Variants in TAX1BP1 observed in about 807,000 individuals in gnomAD.
TAX1BP1 encodes tax1-binding protein 1.
TAX1BP1 carries 62 observed loss-of-function variants against 97.7 expected under a neutral mutation model. The observed-to-expected ratio is 0.63, with a 90% CI of 0.52 to 0.78. TAX1BP1 has a LOEUF of 0.78. TAX1BP1 is among the 30% of genes least tolerant of loss of function. The pLI is 0.00. For synonymous variants in TAX1BP1, 340 were observed against 304.2 expected (o/e 1.12, Z -1.23); for missense variants, 867 against 916.1 (o/e 0.95, Z 0.69).
chr7:27,743,626 A>G (rs1787701485), intron 1 of TAX1BP1, among the ~76,000 whole-genome samples: 1 of 152,232 alleles, frequency 6.6e-6, no homozygotes, highest in Non-Finnish European at 1.5e-5. Flanking sequence ...AACATACACA[A>G]AGGAGAATGA....
chr7:27,766,122 C>T (rs986648701), intron 4 of TAX1BP1, 101 bp downstream of exon 4: 4 of 1,253,778 alleles, frequency 3.2e-6, no homozygotes, highest in Non-Finnish European at 2.2e-6. Flanking sequence ...AGAGTTGCCA[C>T]AAAAATCGAA....
At chr7:27,750,757 GC>G (rs1787989627) in intron 2 of TAX1BP1, among the ~76,000 whole-genome samples, 1 of 152,026 alleles carries the variant, frequency 6.6e-6, no homozygotes, top group Non-Finnish European at 1.5e-5. Flanking sequence ...TTTTTTTAAA[GC>G]CAAAAGACTG....
Position 27,748,601 on chromosome 7 carries a change from A to G in TAX1BP1, c.77A>G (p.Tyr26Cys), listed in dbSNP as rs1787913319. ...HVIFQNVAKSYLPNAHLECHY... is the reference protein window; with the variant it reads ...HVIFQNVAKSCLPNAHLECHY... ...ATCTTTCAAAATGTGGCCAAGAGTT[A>G]CCTTCCTAATGCACACCTGGAATGT... Residue 26 changes from tyrosine to cysteine, a missense_variant, in exon 2 of 17, where the codon TAC becomes TGC. By Grantham distance (194) the Tyr-to-Cys change is radical. Coordinates refer to ENST00000396319, the MANE Select transcript of TAX1BP1 (RefSeq NM_006024.7). The G allele has an allele frequency of 4.4e-6, 7 of 1,606,810 alleles. No individual in the cohort carries two copies. In the South Asian group the frequency reaches 6.7e-5, roughly 15 times the overall value.
intron 3 of TAX1BP1, among the ~76,000 whole-genome samples, chr7:27,760,970 A>G (rs919700524): frequency 1.3e-5 from 2 of 152,224 alleles, no homozygotes; most frequent in Non-Finnish European, 2.9e-5. Context: ...TCTGTTATGT[A>G]GAAGTTTGGG....
chr7:27,750,016 C>G (rs1787964149), intron 2 of TAX1BP1, among the ~76,000 whole-genome samples: 3 of 152,092 alleles, frequency 2.0e-5, no homozygotes, highest in Admixed American at 2.0e-4. Flanking sequence ...GTTTTAACTT[C>G]CTAGGCTTAA....
chr7:27,813,624 C>T (rs913048334), intron 13 of TAX1BP1, among the ~76,000 whole-genome samples: 5 of 152,096 alleles, frequency 3.3e-5, no homozygotes, highest in Non-Finnish European at 7.4e-5. Context: ...GTATGAGCCA[C>T]GGTGCCTGGC....
intron 3 of TAX1BP1, 86 bp from the exon 4 acceptor site, chr7:27,765,748 T>G: frequency 4.3e-6 from 5 of 1,170,098 alleles, no homozygotes; most frequent in Non-Finnish European, 6.1e-6. Context: ...GTGTGGGGAA[T>G]GAGACATGGC....
intron 13 of TAX1BP1, among the ~76,000 whole-genome samples, chr7:27,809,325 G>T (rs75918061): frequency 6.6e-6 from 1 of 152,326 alleles, no homozygotes; most frequent in East Asian, 1.9e-4. Flanking sequence ...ATCTCTGTAG[G>T]TGGCCAAGTT....
At chr7:27,812,705 T>C (rs1003152245) in intron 13 of TAX1BP1, among the ~76,000 whole-genome samples, 3 of 152,224 alleles carry the variant, frequency 2.0e-5, no homozygotes, top group African/African-American at 7.2e-5. Context: ...ACCCAGTTTT[T>C]AAAGATCATG....
intron 13 of TAX1BP1, among the ~76,000 whole-genome samples, chr7:27,813,445 C>G (rs1230867749): frequency 1.3e-5 from 2 of 151,758 alleles, no homozygotes; most frequent in Non-Finnish European, 2.9e-5. Flanking sequence ...GCCTTGACCT[C>G]CCAGACTCAG....
intron 2 of TAX1BP1, among the ~76,000 whole-genome samples, chr7:27,749,615 A>G (rs185422794): frequency 7.5e-4 from 114 of 152,286 alleles, no homozygotes; most frequent in African/African-American, 2.6e-3. Flanking sequence ...GGACAAAACA[A>G]TTTTGGCATT....
chr7:27,816,138 C>T (rs188387306), intron 13 of TAX1BP1, among the ~76,000 whole-genome samples: 145 of 152,286 alleles, frequency 9.5e-4, no homozygotes, highest in Admixed American at 4.4e-3. Flanking sequence ...GAAAATACAT[C>T]GGCTTTATCC....
At chr7:27,766,302 C>T (rs973276513) in intron 4 of TAX1BP1, among the ~76,000 whole-genome samples, 13 of 151,776 alleles carry the variant, frequency 8.6e-5, no homozygotes, top group African/African-American at 3.1e-4. Flanking sequence ...CACCTGTAGT[C>T]CCAGCTACTC....
intron 5 of TAX1BP1, among the ~76,000 whole-genome samples, chr7:27,781,917 C>T (rs1789273397): frequency 6.6e-6 from 1 of 152,048 alleles, no homozygotes; most frequent in Non-Finnish European, 1.5e-5. Flanking sequence ...CAGGGTTTCA[C>T]CATGTTGGCC....
At chr7:27,803,379 C>CTT (rs1175505342) in intron 13 of TAX1BP1, among the ~76,000 whole-genome samples, 2 of 152,140 alleles carry the variant, frequency 1.3e-5, no homozygotes, top group Admixed American at 1.3e-4. Context: ...TGTTTAATGA[C>CTT]TTACAGCAAA....
Position 27,828,795 on chromosome 7 carries a change from C to T in TAX1BP1, c.2336C>T (p.Thr779Ile), listed in dbSNP as rs1176039604. ...CAGGTGTTTGAAAGGCATGTGCAGA[C>T]CCATTTTGATCAGAATGTTCTAAAT... is the stretch of plus-strand genomic sequence containing the variant. ...DQQVFERHVQTHFDQNVLNFD is the reference protein window; with the variant it reads ...DQQVFERHVQIHFDQNVLNFD Residue 779 changes from threonine (T) to isoleucine (I), a missense_variant, in exon 17 of 17, where the codon ACC (threonine) becomes ATC (isoleucine). By Grantham distance (89) the Thr-to-Ile change is moderately conservative. This residue lies in a region of TAX1BP1 where 34 missense variants were observed against 33.2 expected (regional missense o/e 1.02). Transcript: ENST00000396319. The T allele has an allele frequency of 3.7e-6, 6 of 1,613,174 alleles. No homozygotes were observed. The highest frequency in any genetic ancestry group is 5.1e-6 in the Non-Finnish European group (6 of 1,179,786).
chr7:27,780,509 A>C (rs1294449702), intron 5 of TAX1BP1, among the ~76,000 whole-genome samples: 1 of 152,232 alleles, frequency 6.6e-6, no homozygotes. Context: ...TTTCCTACAC[A>C]GTAGCTCTCA....
At chr7:27,788,438 C>G (rs746159112) in intron 8 of TAX1BP1, among the ~76,000 whole-genome samples, 5 of 151,942 alleles carry the variant, frequency 3.3e-5, no homozygotes, top group Non-Finnish European at 4.4e-5. Context: ...TTTTTATTGT[C>G]CTTTGATGCT....
At chr7:27,787,743 A>G (rs1026815364) in intron 8 of TAX1BP1, 140 bp downstream of exon 8, 6 of 717,440 alleles carry the variant, frequency 8.4e-6, no homozygotes, top group African/African-American at 5.4e-5. Flanking sequence ...GAACAGAACA[A>G]TGAATACTGA....
Sources: allele counts gnomAD v4.1 joint callset (sites outside exome capture counted in the v4.1 genomes callset), GRCh38; gene constraint gnomAD v4.1.1; regional missense constraint gnomAD v4.1.1; transcripts MANE v1.5; gene names NCBI Gene and HGNC (gene_info 2026-07-23, HGNC 2026-07-21).